The following EFNA2 variants were observed in gnomAD, a reference collection of about 807,000 sequenced individuals.
EFNA2 encodes ephrin-A2.
In EFNA2, 18 loss-of-function variants were observed where a neutral mutation model predicts 19.7. The ratio of observed to expected loss-of-function variants is 0.91; its 90% confidence interval spans 0.63 to 1.35. EFNA2 has a LOEUF of 1.35. Among genes scored for constraint, EFNA2 ranks in the 40% most tolerant of loss-of-function variants. EFNA2 has a pLI of 0.00. For synonymous variants in EFNA2, 187 were observed against 137.8 expected (o/e 1.36, Z -2.50); for missense variants, 303 against 296.0 (o/e 1.02, Z -0.17).
Position 1,299,821 on chromosome 19 carries a change from C to T in EFNA2, c.521-3C>T. 2 of 1,599,080 alleles carry T rather than the reference C, an allele frequency of 1.3e-6. No homozygotes were observed. Among genetic ancestry groups the T allele is most frequent in the South Asian group, 1.1e-5 (1 of 89,776 alleles). On this transcript the variant is annotated splice_polypyrimidine_tract_variant and splice_region_variant and intron_variant, in intron 3 of 3. Transcript: ENST00000215368. ...CTGAGCGTGCTGTCTCTGCCACCCG[C>T]AGACGAGACCCTGTACGAGGCTCCT... is the stretch of plus-strand genomic sequence containing the variant.
chr19:1,293,527 G>A (rs1267353674), intron 1 of EFNA2, among the ~76,000 whole-genome samples: 7 of 152,204 alleles, frequency 4.6e-5, no homozygotes, highest in East Asian at 1.9e-4. Context: ...GCCGGACCTC[G>A]AGACCCAAGG....
intron 1 of EFNA2, among the ~76,000 whole-genome samples, chr19:1,291,743 C>T (rs777241364): frequency 4.6e-5 from 7 of 152,046 alleles, no homozygotes; most frequent in Non-Finnish European, 7.4e-5. Flanking sequence ...CCTAATTAGT[C>T]GCTTAGCTAT....
upstream of EFNA2, among the ~76,000 whole-genome samples, chr19:1,285,634 G>T (rs1188675380): frequency 1.3e-5 from 2 of 151,888 alleles, no homozygotes; most frequent in Non-Finnish European, 2.9e-5. The surrounding 1 kb of genome is among the most constrained non-coding windows in gnomAD (Gnocchi z 4.1). Flanking sequence ...GCGTGGGGGC[G>T]CGGGAGGCAG....
In EFNA2 at chr19:1,295,997, C is replaced by G. The variant is rs2081513477; in HGVS notation, c.454+139C>G. 2 of 219,896 alleles carry G rather than the reference C, an allele frequency of 9.1e-6. No individual in the cohort carries two copies. Among genetic ancestry groups the G allele is most frequent in the Non-Finnish European group, 1.2e-5 (2 of 167,148 alleles). The allele number at this position is 219,896 out of a possible 1,614,324, so 13.6% of individuals were successfully genotyped here. A position where few individuals can be genotyped will look rare whatever the true frequency, so the allele number is the denominator to read the frequency against. ...AGTGGGCGGGGCCGCGGTGTGGGGCCAGGGGGGAGTGGGCGGGGCCGCGGA... is the reference window on the plus strand; with the variant it reads ...AGTGGGCGGGGCCGCGGTGTGGGGCGAGGGGGGAGTGGGCGGGGCCGCGGA... On this transcript the variant is annotated intron_variant, in intron 2 of 3. Coordinates refer to ENST00000215368, the MANE Select transcript of EFNA2 (RefSeq NM_001405.4). The surrounding 1 kb of genome is among the most constrained non-coding windows in gnomAD (Gnocchi z 5.8).
Position 1,295,241 on chromosome 19 carries a change from A to T in EFNA2, c.141-304A>T, listed in dbSNP as rs1296379183. 6.6e-6 allele frequency among the ~76,000 whole-genome samples: 1 copy of T among 151,200 alleles called. No individual in the cohort carries two copies. Among genetic ancestry groups the T allele is most frequent in the African/African-American group, 2.4e-5 (1 of 41,026 alleles). ...GACCCCTCCCCCATTCCCCGGCCTG[A>T]CTTCCCCGTGCACCTGTCCCCTGAC... On this transcript the variant is annotated intron_variant, in intron 1 of 3. Coordinates refer to ENST00000215368, the MANE Select transcript of EFNA2 (RefSeq NM_001405.4). The surrounding 1 kb of genome is among the most constrained non-coding windows in gnomAD (Gnocchi z 5.8).
chr19:1,292,192 C>T (rs986838440), intron 1 of EFNA2, among the ~76,000 whole-genome samples: 4 of 152,356 alleles, frequency 2.6e-5, no homozygotes, highest in East Asian at 1.9e-4. Flanking sequence ...ACAGGGGCAA[C>T]GCGCCCACCT....
In EFNA2 at chr19:1,294,292, G is replaced by A. The variant is rs1019537727; in HGVS notation, c.141-1253G>A. On this transcript the variant is annotated intron_variant, in intron 1 of 3. Transcript: ENST00000215368. This position sits in a 1 kb window ranked among gnomAD's most constrained non-coding sequence, Gnocchi z 5.8. ...GGGGACCACAGCCGGGAGATCTAAG[G>A]GCTCCTGCCGCCATCGCCCGAGGCA... is the stretch of plus-strand genomic sequence containing the variant. 6.6e-6 allele frequency among the ~76,000 whole-genome samples: 1 copy of A among 152,210 alleles called. No homozygotes were observed. Among genetic ancestry groups the A allele is most frequent in the Non-Finnish European group, 1.5e-5 (1 of 68,028 alleles).
intron 3 of EFNA2, among the ~76,000 whole-genome samples, chr19:1,299,287 G>A (rs1020516464): frequency 3.3e-5 from 5 of 151,822 alleles, no homozygotes; most frequent in Non-Finnish European, 7.4e-5. Flanking sequence ...GGCCGGGCAC[G>A]GTGGCTCACA....
In EFNA2 at chr19:1,294,393, C is replaced by T. The variant is rs556899532; in HGVS notation, c.141-1152C>T. 9.9e-5 allele frequency among the ~76,000 whole-genome samples: 15 copies of T among 152,256 alleles called. No homozygotes were observed. The highest frequency in any genetic ancestry group is 3.4e-4 in the African/African-American group (14 of 41,546). ...CAGACGAGGCTGGGTCAGGGGGCTC[C>T]CTGGAGGAAGGGGCCTGTGGGTTGC... is the stretch of plus-strand genomic sequence containing the variant. On this transcript the variant is annotated intron_variant, in intron 1 of 3. Transcript: ENST00000215368. The surrounding 1 kb of genome is among the most constrained non-coding windows in gnomAD (Gnocchi z 5.8).
In EFNA2 at chr19:1,295,452, T is replaced by G. The variant is rs556141792; in HGVS notation, c.141-93T>G. ...GCGCACCCCGACCCGTCCCTCGTGC[T>G]CCTGTCCCCTGACCCTGGCCCTCCC... On this transcript the variant is annotated intron_variant, in intron 1 of 3. Coordinates refer to ENST00000215368, the MANE Select transcript of EFNA2 (RefSeq NM_001405.4). The surrounding 1 kb of genome is among the most constrained non-coding windows in gnomAD (Gnocchi z 5.8). The G allele has an allele frequency of 1.3e-4, 165 of 1,251,910 alleles. 2 individuals are homozygous for G. In the South Asian group the frequency reaches 2.6e-3, roughly 20 times the overall value. 77.6% of individuals were successfully genotyped at this position (1,251,910 alleles called of 1,614,324 possible).
In EFNA2 at chr19:1,298,595, A is replaced by C; in HGVS notation, c.499A>C (p.Lys167Gln). ...TGTGGACCGGCCCTGCCTGCGACTGAAGGTGTACGTGCGGCCGACCAGTAA... is the reference window on the plus strand; with the variant it reads ...TGTGGACCGGCCCTGCCTGCGACTGCAGGTGTACGTGCGGCCGACCAGTAA... Reference protein sequence around the residue: ...NAVDRPCLRLKVYVRPTNETL... With the variant: ...NAVDRPCLRLQVYVRPTNETL... The change falls in exon 3 of 4, where the codon AAG becomes CAG. Residue 167 changes from lysine (K) to glutamine (Q), a missense_variant. Coordinates refer to ENST00000215368, the MANE Select transcript of EFNA2 (RefSeq NM_001405.4). 1.2e-6 allele frequency: 2 copies of C among 1,614,000 alleles called. No individual in the cohort carries two copies. Among genetic ancestry groups the C allele is most frequent in the Non-Finnish European group, 1.7e-6 (2 of 1,179,982 alleles).
rs1185060030 is a variant in EFNA2 at position 1,286,431 on chromosome 19, G to T, written c.140+123G>T. 5.2e-5 allele frequency: 14 copies of T among 267,104 alleles called. No homozygotes were observed. Among genetic ancestry groups the T allele is most frequent in the Non-Finnish European group, 6.9e-5 (12 of 174,570 alleles). 16.5% of individuals were successfully genotyped at this position (267,104 alleles called of 1,614,324 possible). On this transcript the variant is annotated intron_variant, in intron 1 of 3. Transcript: ENST00000215368. This position sits in a 1 kb window ranked among gnomAD's most constrained non-coding sequence, Gnocchi z 5.6. ...CGCGCGCCGCCGCCGGGATGCGGGC[G>T]CCCGGTTCCCGCGGGAGCCCCCCAG...
intron 1 of EFNA2, among the ~76,000 whole-genome samples, chr19:1,292,314 G>C (rs1331065907): frequency 6.6e-6 from 1 of 152,254 alleles, no homozygotes; most frequent in African/African-American, 2.4e-5. Context: ...AGCCGGGGGT[G>C]GGGGTTCCCC....
At chr19:1,292,729 T>G (rs1005239344) in intron 1 of EFNA2, among the ~76,000 whole-genome samples, 1 of 152,060 alleles carries the variant, frequency 6.6e-6, no homozygotes, top group Non-Finnish European at 1.5e-5. Context: ...CAGGAATGGA[T>G]GGAGGGCTCT....
Position 1,295,743 on chromosome 19 carries a change from G to A in EFNA2, c.339G>A (p.Glu113=), listed in dbSNP as rs367844963. The change falls in exon 2 of 4, where the codon GAG becomes GAA. Residue 113 remains glutamate, a synonymous_variant. Transcript: ENST00000215368. This position sits in a 1 kb window ranked among gnomAD's most constrained non-coding sequence, Gnocchi z 5.8. ...GCCAGCGCGGCTTCAAGCGCTGGGA[G>A]TGCAACCGGCCCGCGGCGCCCGGGG... ...DHRQRGFKRW[E]CNRPAAPGGP... is the part of the protein sequence containing the mutation. The A allele has an allele frequency of 8.8e-5, 142 of 1,607,378 alleles. No homozygotes were observed. The African/African-American group carries it at 1.7e-3, about 20-fold the overall frequency.
At position 1,295,651 on chromosome 19, in the gene EFNA2, G is replaced by C; in HGVS notation, c.247G>C (p.Ala83Pro). Residue 83 changes from alanine to proline, a missense_variant, in exon 2 of 4, where the codon GCC becomes CCC. By Grantham distance (27) the Ala-to-Pro change is conservative. Coordinates refer to ENST00000215368, the MANE Select transcript of EFNA2 (RefSeq NM_001405.4). The surrounding 1 kb of genome is among the most constrained non-coding windows in gnomAD (Gnocchi z 5.8). ...GCACTATGGGGCGCCGCTGCCGCCG[G>C]CCGAGCGCATGGAGCACTACGTGCT... The part of the protein sequence containing the change: ...CPHYGAPLPP[A>P]ERMEHYVLYM... 2 of 1,611,604 alleles carry C rather than the reference G, an allele frequency of 1.2e-6. No individual in the cohort carries two copies. Among genetic ancestry groups the C allele is most frequent in the Non-Finnish European group, 1.7e-6 (2 of 1,179,386 alleles).
chr19:1,291,970 G>A (rs1335643498), intron 1 of EFNA2, among the ~76,000 whole-genome samples: 4 of 152,196 alleles, frequency 2.6e-5, no homozygotes, highest in East Asian at 1.9e-4. Flanking sequence ...GAGGGAACCC[G>A]GAGGAGTAAA....
upstream of EFNA2, among the ~76,000 whole-genome samples, chr19:1,285,550 G>A (rs888708766): frequency 6.6e-6 from 1 of 152,270 alleles, no homozygotes; most frequent in South Asian, 2.1e-4. This position sits in a 1 kb window ranked among gnomAD's most constrained non-coding sequence, Gnocchi z 4.1. Context: ...GTGCGTCGGG[G>A]TTGGTGAGGC....
At chr19:1,298,050 C>A (rs899835525) in intron 2 of EFNA2, among the ~76,000 whole-genome samples, 1 of 108,258 alleles carries the variant, frequency 9.2e-6, no homozygotes, top group Non-Finnish European at 1.7e-5. Flanking sequence ...CCAGCCTGGG[C>A]GACAAGAGCA....
Sources: gnomAD v4.1 joint callset for allele counts (sites outside exome capture counted in the v4.1 genomes callset) on GRCh38, gnomAD v4.1.1 for gene constraint, Gnocchi (gnomAD v3.1) non-coding constraint, MANE v1.5 for transcripts, NCBI Gene and HGNC (gene_info 2026-07-23, HGNC 2026-07-21) for gene names.